The following IPO13 variants were observed in gnomAD, a reference collection of about 807,000 sequenced individuals.
IPO13 encodes the protein importin 13.
IPO13 carries 28 observed loss-of-function variants against 115.5 expected under a neutral mutation model. The ratio of observed to expected loss-of-function variants is 0.24; its 90% confidence interval spans 0.18 to 0.33. The LOEUF is 0.33. Among genes scored for constraint, IPO13 ranks in the 10% least tolerant of loss-of-function variants. The probability of loss-of-function intolerance (pLI) is 1.00; values close to 1 mark genes in which losing one functional copy is unlikely to be tolerated. For missense variants in IPO13, 785 were observed against 1,204.6 expected (o/e 0.65, Z 5.16); for synonymous variants, 414 against 478.9 (o/e 0.86, Z 1.77).
rs2085335538 is a variant in IPO13, at chr1:43,967,598, C to A, written c.2808C>A (p.Asn936Lys). Residue 936 changes from asparagine (N) to lysine (K), a missense_variant, in exon 20 of 20, where the codon AAC (asparagine) becomes AAA (lysine). This residue lies in a region of IPO13 where 285 missense variants were observed against 394.8 expected (regional missense o/e 0.72). Transcript: ENST00000372343. This position sits in a 1 kb window ranked among gnomAD's most constrained non-coding sequence, Gnocchi z 6.1. The stretch of plus-strand genomic sequence containing the variant: ...TTTTCTCCTTCAGCGAGCGAGTGAA[C>A]AAGAGGCGGGTGAAGGAGATGGTGA... ...FSQQILRERV[N>K]KRRVKEMVKE... The A allele has an allele frequency of 1.9e-6, 3 of 1,614,214 alleles. No homozygotes were observed. The highest frequency in any genetic ancestry group is 2.5e-6 in the Non-Finnish European group (3 of 1,180,040).
chr1:43,962,066 C>T (rs559785273), intron 14 of IPO13, among the ~76,000 whole-genome samples: 1 of 152,272 alleles, frequency 6.6e-6, no homozygotes, highest in African/African-American at 2.4e-5. Flanking sequence ...GTTTGAGGCT[C>T]ACCAGGGGTC....
chr1:43,949,306 C>A, intron 1 of IPO13, 111 bp from the exon 2 acceptor site: 1 of 1,170,064 alleles, frequency 8.5e-7, no homozygotes, highest in Non-Finnish European at 1.2e-6. Context: ...CCTGCTCAGC[C>A]CCCCAGTCAG....
In IPO13 at chr1:43,960,910, C is replaced by T. The variant is rs754155240; in HGVS notation, c.2144C>T (p.Thr715Met). Reference protein sequence around the residue: ...VCAIFEKSVKTLLDDFAPMVP... With the variant: ...VCAIFEKSVKMLLDDFAPMVP... ...GCTATCTTTGAGAAGTCTGTTAAGA[C>T]GCTGCTGGATGACTTTGCCCCCATG... The change falls in exon 13 of 20, where the codon ACG becomes ATG. Residue 715 changes from threonine to methionine, a missense_variant. By Grantham distance (81) the Thr-to-Met change is moderately conservative. Coordinates refer to ENST00000372343, the MANE Select transcript of IPO13 (RefSeq NM_014652.4). 10 of 1,614,084 alleles carry T rather than the reference C, an allele frequency of 6.2e-6. No individual in the cohort carries two copies. Among genetic ancestry groups the T allele is most frequent in the African/African-American group, 1.3e-5 (1 of 74,932 alleles).
intron 2 of IPO13, among the ~76,000 whole-genome samples, chr1:43,954,985 G>A (rs1557631625): frequency 6.6e-6 from 1 of 152,140 alleles, no homozygotes; most frequent in South Asian, 2.1e-4. Context: ...AGGTGTTACT[G>A]TTCCCCGCTA....
Position 43,949,961 on chromosome 1 carries a change from A to G in IPO13, c.629A>G (p.Gln210Arg), listed in dbSNP as rs1292831968. ...AVFPLLEQLLQQPSSPSCVRQ... is the reference protein window; with the variant it reads ...AVFPLLEQLLRQPSSPSCVRQ... ...TTCCCGCTGCTGGAGCAGCTGCTAC[A>G]GCAGCCCAGCTCACCCAGCTGTGTG... The change falls in exon 2 of 20, where the codon CAG becomes CGG. Residue 210 changes from glutamine (Q) to arginine (R), a missense_variant. By Grantham distance (43) the Gln-to-Arg change is conservative. Around this residue, in one of 3 missense-constraint regions of IPO13, gnomAD observed 325 missense variants for 449.8 expected, o/e 0.72. Transcript: ENST00000372343. 3.1e-6 allele frequency: 5 copies of G among 1,610,646 alleles called. No homozygotes were observed. Among genetic ancestry groups the G allele is most frequent in the Non-Finnish European group, 1.7e-6 (2 of 1,179,404 alleles).
chr1:43,959,783 C>T (rs1314414003), intron 11 of IPO13, among the ~76,000 whole-genome samples: 3 of 152,144 alleles, frequency 2.0e-5, no homozygotes, highest in African/African-American at 7.2e-5. Flanking sequence ...CCTCACCTCC[C>T]AGGACCTCAG....
In IPO13 at chr1:43,958,943, C is replaced by T; in HGVS notation, c.2028+54C>T. ...ATTTGTCTTTGCCATCCCCCCAACC[C>T]CCACCTGTGGGAATGTCATTGTCAC... is the stretch of plus-strand genomic sequence containing the variant. On this transcript the variant is annotated intron_variant, in intron 11 of 19. Coordinates refer to ENST00000372343, the MANE Select transcript of IPO13 (RefSeq NM_014652.4). This position sits in a 1 kb window ranked among gnomAD's most constrained non-coding sequence, Gnocchi z 6.3. 3 of 1,541,442 alleles carry T rather than the reference C, an allele frequency of 1.9e-6. No homozygotes were observed. The highest frequency in any genetic ancestry group is 8.9e-7 in the Non-Finnish European group (1 of 1,118,468).
In IPO13 at chr1:43,952,762, C is replaced by T. The variant is rs1029827947; in HGVS notation, c.821+2609C>T. 5.3e-5 allele frequency among the ~76,000 whole-genome samples: 8 copies of T among 152,092 alleles called. No homozygotes were observed. Among genetic ancestry groups the T allele is most frequent in the Admixed American group, 3.3e-4 (5 of 15,278 alleles). ...GATTTTAAAAAATAAAAGATTGTTT[C>T]GGTATGAGGATTAAATAAGAGAATG... On this transcript the variant is annotated intron_variant, in intron 2 of 19. Coordinates refer to ENST00000372343, the MANE Select transcript of IPO13 (RefSeq NM_014652.4). The surrounding 1 kb of genome is among the most constrained non-coding windows in gnomAD (Gnocchi z 4.7).
At position 43,967,250 on chromosome 1, in the gene IPO13, C is replaced by A; in HGVS notation, c.2614-65C>A. 3 of 1,535,490 alleles carry A rather than the reference C, an allele frequency of 2.0e-6. No individual in the cohort carries two copies. Among genetic ancestry groups the A allele is most frequent in the Admixed American group, 1.7e-5 (1 of 58,478 alleles). ...AGGAACTGTCCAGAGGGCAGTTAGGCATTCTTGCTGCAGAAGCGGCGGAAG... is the reference window on the plus strand; with the variant it reads ...AGGAACTGTCCAGAGGGCAGTTAGGAATTCTTGCTGCAGAAGCGGCGGAAG... On this transcript the variant is annotated intron_variant, in intron 18 of 19. Transcript: ENST00000372343. This position sits in a 1 kb window ranked among gnomAD's most constrained non-coding sequence, Gnocchi z 6.1.
At chr1:43,962,127 A>G (rs1057064288) in intron 14 of IPO13, among the ~76,000 whole-genome samples, 27 of 152,254 alleles carry the variant, frequency 1.8e-4, no homozygotes, top group African/African-American at 6.3e-4. Context: ...GCCTGGTCTC[A>G]TGATCCTGGC....
chr1:43,959,325 A>G (rs1312842228), intron 11 of IPO13, among the ~76,000 whole-genome samples: 2 of 152,218 alleles, frequency 1.3e-5, no homozygotes, highest in Non-Finnish European at 2.9e-5. Flanking sequence ...CTGGCCTTCA[A>G]GTTGCTCCCA....
In IPO13 at chr1:43,956,005, CAAAAAAAA is replaced by C. The variant is rs5773817; in HGVS notation, c.822-300_822-293del. Among the ~76,000 whole-genome samples the C allele has an allele frequency of 1.8e-5, 2 of 113,906 alleles. No homozygotes were observed. Among genetic ancestry groups the C allele is most frequent in the African/African-American group, 7.3e-5 (2 of 27,434 alleles). The allele number at this position is 113,906 out of a possible 152,430, so 74.7% of individuals were successfully genotyped here. A position where few individuals can be genotyped will look rare whatever the true frequency, so the allele number is the denominator to read the frequency against. On this transcript the variant is annotated intron_variant, in intron 2 of 19. Coordinates refer to ENST00000372343, the MANE Select transcript of IPO13 (RefSeq NM_014652.4). The surrounding 1 kb of genome is among the most constrained non-coding windows in gnomAD (Gnocchi z 4.7). ...TGGGTAACACAGCAAAACCCCATCT[CAAAAAAAA>C]AAAAAAAAAAAAAATCTTAACCCAT...
chr1:43,948,654 G>A (rs2085184557), intron 1 of IPO13, among the ~76,000 whole-genome samples: 1 of 152,242 alleles, frequency 6.6e-6, no homozygotes, highest in African/African-American at 2.4e-5. Flanking sequence ...CCTTGGAGCA[G>A]GGCAGTGTTG....
At chr1:43,961,958 G>A (rs564004770) in intron 14 of IPO13, among the ~76,000 whole-genome samples, 1 of 152,240 alleles carries the variant, frequency 6.6e-6, no homozygotes, top group South Asian at 2.1e-4. Context: ...CAGGCTTCTC[G>A]TGTTGTCTAA....
intron 15 of IPO13, among the ~76,000 whole-genome samples, chr1:43,965,653 G>A (rs1453698749): frequency 6.6e-6 from 1 of 151,898 alleles, no homozygotes; most frequent in Admixed American, 6.6e-5. Context: ...TGTGTAATGA[G>A]GGTGTGTTCC....
rs1250226700 is a variant in IPO13 at position 43,958,290 on chromosome 1, G to A, written c.1749+22G>A. 1 of 1,613,864 alleles carries A rather than the reference G, an allele frequency of 6.2e-7. No homozygotes were observed. Among genetic ancestry groups the A allele is most frequent in the Non-Finnish European group, 8.5e-7 (1 of 1,179,886 alleles). ...CAAGGTGCGGCTCAAAAGTTTCTAG[G>A]GGTCTCCTTGGAGGTCTTGTGGGAA... On this transcript the variant is annotated intron_variant, in intron 9 of 19. Coordinates refer to ENST00000372343, the MANE Select transcript of IPO13 (RefSeq NM_014652.4). This position sits in a 1 kb window ranked among gnomAD's most constrained non-coding sequence, Gnocchi z 6.3.
chr1:43,957,686 G>A, intron 7 of IPO13, 137 bp downstream of exon 7: 1 of 1,108,880 alleles, frequency 9.0e-7, no homozygotes, highest in Non-Finnish European at 1.3e-6. Flanking sequence ...CAAACTGACT[G>A]TCCTGGCAGG....
In IPO13 at chr1:43,949,662, C is replaced by T. The variant is rs200719466; in HGVS notation, c.330C>T (p.Thr110=). The change falls in exon 2 of 20, where the codon ACC becomes ACT. Residue 110 remains threonine (T), a synonymous_variant. Coordinates refer to ENST00000372343, the MANE Select transcript of IPO13 (RefSeq NM_014652.4). The part of the protein sequence containing the change: ...SLKAQLFTQI[T]RFASGSKIVL... ...AGGCACAGCTCTTCACCCAGATCAC[C>T]CGCTTTGCCAGTGGCTCCAAGATTG... The T allele has an allele frequency of 6.2e-7, 1 of 1,614,240 alleles. No individual in the cohort carries two copies.
In IPO13 at chr1:43,967,944, C is replaced by A. The variant is rs2085338022; in HGVS notation, c.*262C>A. On this transcript the variant is annotated 3_prime_UTR_variant, in exon 20 of 20. Coordinates refer to ENST00000372343, the MANE Select transcript of IPO13 (RefSeq NM_014652.4). The surrounding 1 kb of genome is among the most constrained non-coding windows in gnomAD (Gnocchi z 6.1). ...ACCTAGGCTGGAGCCCTTCAGAATA[C>A]TGTCATTGTCCTTGGGGCGGGGTGG... 2 of 561,890 alleles carry A rather than the reference C, an allele frequency of 3.6e-6. No homozygotes were observed. The highest frequency in any genetic ancestry group is 5.9e-5 in the East Asian group (2 of 33,904). The allele number at this position is 561,890 out of a possible 1,614,324, so 34.8% of individuals were successfully genotyped here. A position where few individuals can be genotyped will look rare whatever the true frequency, so the allele number is the denominator to read the frequency against.
Sources: gnomAD v4.1 joint callset for allele counts (sites outside exome capture counted in the v4.1 genomes callset) on GRCh38, gnomAD v4.1.1 for gene constraint, gnomAD v4.1.1 regional missense constraint, Gnocchi (gnomAD v3.1) non-coding constraint, MANE v1.5 for transcripts, NCBI Gene and HGNC (gene_info 2026-07-23, HGNC 2026-07-21) for gene names.